The following SPEF2 variants were observed in gnomAD, a reference collection of about 807,000 sequenced individuals.
SPEF2 encodes sperm flagella and cilia-associated protein 2.
A neutral mutation model predicts 224.6 loss-of-function variants in SPEF2; 187 were observed. That is an observed-to-expected ratio of 0.83 (90% confidence interval 0.74 to 0.94). The LOEUF (loss-of-function observed/expected upper bound fraction) is 0.94, where lower values mean the gene tolerates loss of function less well. SPEF2 is among the 40% of genes least tolerant of loss of function. SPEF2 has a pLI of 0.00. For missense variants in SPEF2, 2,170 were observed against 2,135.6 expected, an observed-to-expected ratio of 1.02 and a Z score of -0.32; for synonymous variants, 715 against 707.3, an observed-to-expected ratio of 1.01 and a Z score of -0.17.
At chr5:35,805,579 G>C (rs1757953481) in intron 34 of SPEF2, among the ~76,000 whole-genome samples, 1 of 152,070 alleles carries the variant, frequency 6.6e-6, no homozygotes, top group South Asian at 2.1e-4. Flanking sequence ...ATGCCAAAAT[G>C]CTCCTTTCTT....
At chr5:35,640,563 G>A (rs182725824) in intron 2 of SPEF2, among the ~76,000 whole-genome samples, 12 of 152,094 alleles carry the variant, frequency 7.9e-5, no homozygotes, top group Admixed American at 7.2e-4. Flanking sequence ...TGCAAAACTG[G>A]ACCTGAGAAG....
intron 16 of SPEF2, 82 bp from the exon 17 acceptor site, chr5:35,704,472 G>T (rs1457427069): frequency 5.0e-6 from 4 of 794,384 alleles, no homozygotes; most frequent in South Asian, 1.7e-5. Context: ...TATCTGTTTG[G>T]CATCTTTCAC....
At chr5:35,743,960 A>G (rs1484985717) in intron 23 of SPEF2, among the ~76,000 whole-genome samples, 1 of 152,242 alleles carries the variant, frequency 6.6e-6, no homozygotes, top group Non-Finnish European at 1.5e-5. Context: ...AAGCCAACAT[A>G]GTAAGCAGTA....
intron 25 of SPEF2, among the ~76,000 whole-genome samples, chr5:35,760,360 CTAAAA>C (rs1751086607): frequency 6.8e-6 from 1 of 146,360 alleles, no homozygotes; most frequent in Non-Finnish European, 1.5e-5. Context: ...GAGACTCCGT[CTAAAA>C]AAAAAAAAAA....
intron 1 of SPEF2, among the ~76,000 whole-genome samples, chr5:35,622,491 T>C (rs537314223): frequency 1.3e-5 from 2 of 152,362 alleles, no homozygotes; most frequent in Admixed American, 6.5e-5. Context: ...AATTCTTCTT[T>C]AGCAGATGAG....
At chr5:35,623,899 A>G (rs1430982884) in intron 1 of SPEF2, among the ~76,000 whole-genome samples, 3 of 152,246 alleles carry the variant, frequency 2.0e-5, no homozygotes, top group Non-Finnish European at 2.9e-5. Flanking sequence ...AGCATTTTAC[A>G]TATAAGATTT....
intron 5 of SPEF2, among the ~76,000 whole-genome samples, chr5:35,649,007 C>A (rs1243198179): frequency 2.0e-5 from 3 of 148,704 alleles, no homozygotes; most frequent in Non-Finnish European, 3.0e-5. Context: ...GAGTGAGACT[C>A]CATCTCAAAA....
chr5:35,671,713 G>A (rs760776637), intron 10 of SPEF2: 15 of 173,706 alleles, frequency 8.6e-5, no homozygotes, highest in Non-Finnish European at 1.4e-4. Flanking sequence ...TATTTTCCTT[G>A]TATGAGAAAT....
At position 35,784,310 on chromosome 5, in the gene SPEF2, A is replaced by G. The variant is rs184032276; in HGVS notation, c.4447+4964A>G. On this transcript the variant is annotated intron_variant, in intron 30 of 36. Coordinates refer to ENST00000356031, the MANE Select transcript of SPEF2 (RefSeq NM_024867.4). ...ACCCGGCTAATTTTTTTGTATTTTT[A>G]GTAGAGACAAGGTTTCGCCATGTTA... Among the ~76,000 whole-genome samples the G allele has an allele frequency of 2.1e-4, 32 of 152,062 alleles. No individual in the cohort carries two copies. In the East Asian group the frequency reaches 6.0e-3, roughly 29 times the overall value.
chr5:35,797,322 G>GTCTGTGTT (rs1359245139), intron 33 of SPEF2, among the ~76,000 whole-genome samples: 1 of 32,854 alleles, frequency 3.0e-5, no homozygotes, highest in Non-Finnish European at 1.4e-4. Flanking sequence ...TGACGGGTGT[G>GTCTGTGTT]TGTGTGTGTG....
intron 1 of SPEF2, among the ~76,000 whole-genome samples, chr5:35,620,779 G>A (rs1743394358): frequency 6.6e-6 from 1 of 152,140 alleles, no homozygotes; most frequent in Admixed American, 6.5e-5. Context: ...CCAAAAGTTA[G>A]AGCTTATTGT....
intron 33 of SPEF2, among the ~76,000 whole-genome samples, chr5:35,798,884 A>C (rs1405784661): frequency 6.6e-6 from 1 of 152,162 alleles, no homozygotes; most frequent in Non-Finnish European, 1.5e-5. Context: ...GACATGAGCC[A>C]CCACGCCTGG....
In SPEF2 at chr5:35,654,527, C is replaced by T. The variant is rs766648778; in HGVS notation, c.792-13C>T. The T allele has an allele frequency of 6.5e-6, 10 of 1,542,922 alleles. No homozygotes were observed. The highest frequency in any genetic ancestry group is 2.2e-5 in the Admixed American group (1 of 44,774). On this transcript the variant is annotated splice_polypyrimidine_tract_variant and intron_variant, in intron 6 of 36. Transcript: ENST00000356031. ...ATTATTTAAAAATCTAAAATAAAAACTATTATTCTTAGTGCATCCAAGACT... is the reference window on the plus strand; with the variant it reads ...ATTATTTAAAAATCTAAAATAAAAATTATTATTCTTAGTGCATCCAAGACT...
chr5:35,704,481 A>T, intron 16 of SPEF2, 73 bp from the exon 17 acceptor site: 1 of 896,244 alleles, frequency 1.1e-6, no homozygotes. Flanking sequence ...GGCATCTTTC[A>T]CCAGTATATT....
chr5:35,740,225 G>A lies in SPEF2; in HGVS notation c.3288G>A (p.Trp1096Ter). The change falls in exon 23 of 37, where the codon TGG (tryptophan) becomes TGA (stop). Residue 1096 changes from tryptophan to a stop codon, truncating the protein, a stop_gained. Transcript: ENST00000356031. LOFTEE classifies it high-confidence loss of function. ...TCAACTCCCTTCCTGATGACCTGTG[G>A]GATGATGAGGAAACAAAGGCTGAAC... is the stretch of plus-strand genomic sequence containing the variant. ...ADFNSLPDDL[W>*]DDEETKAELH... 6.2e-7 allele frequency: 1 copy of A among 1,614,070 alleles called. No individual in the cohort carries two copies. Among genetic ancestry groups the A allele is most frequent in the East Asian group, 2.2e-5 (1 of 44,852 alleles).
At chr5:35,779,389 A>G in intron 30 of SPEF2, 43 bp downstream of exon 30, 2 of 1,473,044 alleles carry the variant, frequency 1.4e-6, no homozygotes, top group Non-Finnish European at 1.9e-6. Flanking sequence ...AAAAAAGGTT[A>G]AGATTAACCA....
At chr5:35,792,189 T>C (rs1174142621) in intron 30 of SPEF2, 151 bp from the exon 31 acceptor site, 5 of 483,060 alleles carry the variant, frequency 1.0e-5, no homozygotes, top group Non-Finnish European at 1.0e-5. Flanking sequence ...AATTTTTATA[T>C]TTCCAAAATG....
chr5:35,666,952 T>C, intron 8 of SPEF2, 120 bp from the exon 9 acceptor site: 1 of 866,534 alleles, frequency 1.2e-6, no homozygotes, highest in Admixed American at 3.1e-5. Flanking sequence ...ATGATTAATT[T>C]TTTTCCTGGT....
chr5:35,749,869 G>T (rs1482819698), intron 23 of SPEF2, among the ~76,000 whole-genome samples: 1 of 151,988 alleles, frequency 6.6e-6, no homozygotes, highest in African/African-American at 2.4e-5. Flanking sequence ...AATTCATATG[G>T]AACCGCAAAA....
Sources: allele counts gnomAD v4.1 joint callset (sites outside exome capture counted in the v4.1 genomes callset), GRCh38; gene constraint gnomAD v4.1.1; transcripts MANE v1.5; gene names NCBI Gene and HGNC (gene_info 2026-07-23, HGNC 2026-07-21).